Variants in DIP2C observed in about 807,000 individuals in gnomAD.
DIP2C encodes the protein disco-interacting protein 2 homolog C.
DIP2C carries 33 observed loss-of-function variants against 192.4 expected under a neutral mutation model. That is an observed-to-expected ratio of 0.17 (90% confidence interval 0.13 to 0.23). The LOEUF (loss-of-function observed/expected upper bound fraction) is 0.23. Among genes scored for constraint, DIP2C ranks in the 10% least tolerant of loss-of-function variants. The pLI is 1.00. For synonymous variants in DIP2C, 979 were observed against 864.1 expected, an observed-to-expected ratio of 1.13 and a Z score of -2.33; for missense variants, 1,537 against 2,110.1, an observed-to-expected ratio of 0.73 and a Z score of 5.32.
chr10:308,665 G>A (rs1956436438), intron 32 of DIP2C, among the ~76,000 whole-genome samples: 1 of 152,226 alleles, frequency 6.6e-6, no homozygotes, highest in Non-Finnish European at 1.5e-5. Context: ...GGCAGCTGGT[G>A]GCCTTGGGGG....
At position 399,685 on chromosome 10, in the gene DIP2C, GAAT is replaced by G. The variant is rs762781119; in HGVS notation, c.1150-469_1150-467del. Among the ~76,000 whole-genome samples the G allele has an allele frequency of 7.8e-4, 118 of 152,222 alleles. 1 individual carries two copies. The highest frequency in any genetic ancestry group is 1.5e-3 in the Non-Finnish European group (100 of 68,042). ...CTTAGTGTTCTTCTCTGAAAAGTGA[GAAT>G]AATGATAGAGCTGATGTCTTAATGC... is the stretch of plus-strand genomic sequence containing the variant. On this transcript the variant is annotated intron_variant, in intron 9 of 36. Transcript: ENST00000280886.
chr10:378,847 A>C lies in DIP2C; in HGVS notation c.1991+3800T>G, dbSNP rs538264272. Among the ~76,000 whole-genome samples, 9 of 152,300 alleles carry C rather than the reference A, an allele frequency of 5.9e-5. No individual in the cohort carries two copies. In the East Asian group the frequency reaches 1.5e-3, roughly 26 times the overall value. On this transcript the variant is annotated intron_variant, in intron 17 of 36. Coordinates refer to ENST00000280886, the MANE Select transcript of DIP2C (RefSeq NM_014974.3). ...CATGCACAGATGTGAACAGACATGC[A>C]TAGACACATGTGAACAGACATGCCT... is the stretch of plus-strand genomic sequence containing the variant.
intron 1 of DIP2C, among the ~76,000 whole-genome samples, chr10:541,875 C>A (rs1361345560): frequency 6.6e-6 from 1 of 152,152 alleles, no homozygotes; most frequent in African/African-American, 2.4e-5. Flanking sequence ...TGTCTCTCGG[C>A]CCCCCTCACC....
chr10:385,761 G>T (rs768804353), intron 14 of DIP2C, among the ~76,000 whole-genome samples: 3 of 152,124 alleles, frequency 2.0e-5, no homozygotes, highest in Non-Finnish European at 4.4e-5. Context: ...GCTGTGTGGC[G>T]GGCTAGGATT....
intron 14 of DIP2C, among the ~76,000 whole-genome samples, chr10:385,721 G>T (rs906815232): frequency 6.6e-6 from 1 of 152,182 alleles, no homozygotes; most frequent in Admixed American, 6.5e-5. Context: ...GCCTCACACC[G>T]CAGCAGTCAG....
intron 1 of DIP2C, among the ~76,000 whole-genome samples, chr10:492,255 C>T (rs1247497273): frequency 6.6e-6 from 1 of 152,340 alleles, no homozygotes; most frequent in Non-Finnish European, 1.5e-5. Context: ...CCCCAAACTG[C>T]GTTGGAGGCT....
intron 1 of DIP2C, among the ~76,000 whole-genome samples, chr10:495,396 G>C (rs1466056474): frequency 6.6e-6 from 1 of 152,096 alleles, no homozygotes; most frequent in Non-Finnish European, 1.5e-5. Context: ...TGGATCTTCT[G>C]TATTCTCACC....
At chr10:368,848 C>A (rs1282771938) in intron 18 of DIP2C, among the ~76,000 whole-genome samples, 3 of 152,212 alleles carry the variant, frequency 2.0e-5, no homozygotes, top group East Asian at 1.9e-4. Flanking sequence ...CTTTCTGGGG[C>A]CAAACAGCCA....
intron 24 of DIP2C, among the ~76,000 whole-genome samples, chr10:353,406 C>T (rs929988096): frequency 4.6e-5 from 7 of 152,082 alleles, no homozygotes; most frequent in East Asian, 1.9e-4. Context: ...TAATTTTTTT[C>T]GAGATAGAGT....
chr10:508,756 T>TA (rs140611813), intron 1 of DIP2C, among the ~76,000 whole-genome samples: 312 of 152,284 alleles, frequency 2.0e-3, no homozygotes, highest in African/African-American at 7.3e-3. Context: ...AGAAGCCACT[T>TA]AAAGGCAACT....
intron 4 of DIP2C, among the ~76,000 whole-genome samples, chr10:431,967 T>C (rs1030224086): frequency 6.6e-5 from 10 of 152,250 alleles, no homozygotes; most frequent in Non-Finnish European, 1.2e-4. Flanking sequence ...TGTTAGATTT[T>C]GTCAAATTCT....
chr10:618,827 A>C (rs1853646875), intron 1 of DIP2C, among the ~76,000 whole-genome samples: 1 of 152,244 alleles, frequency 6.6e-6, no homozygotes, highest in African/African-American at 2.4e-5. Flanking sequence ...GGCCACGTTC[A>C]GGCTGAAGCC....
chr10:683,296 G>A (rs1228847546), intron 1 of DIP2C, among the ~76,000 whole-genome samples: 1 of 152,230 alleles, frequency 6.6e-6, no homozygotes, highest in South Asian at 2.1e-4. Context: ...CGCAGCCACC[G>A]CTGTCTTTCT....
intron 31 of DIP2C, among the ~76,000 whole-genome samples, chr10:320,599 A>G (rs1245929078): frequency 6.6e-6 from 1 of 151,936 alleles, no homozygotes; most frequent in Non-Finnish European, 1.5e-5. Flanking sequence ...GGCACTGGAC[A>G]CTCAGGGAGG....
intron 1 of DIP2C, among the ~76,000 whole-genome samples, chr10:601,183 TAG>T (rs1222315453): frequency 2.6e-5 from 4 of 152,218 alleles, no homozygotes; most frequent in African/African-American, 9.6e-5. Flanking sequence ...GTTTTAATTA[TAG>T]TACTTTCATT....
intron 24 of DIP2C, among the ~76,000 whole-genome samples, chr10:354,805 T>C (rs1296337750): frequency 6.6e-6 from 1 of 151,716 alleles, no homozygotes. Flanking sequence ...GGTCACCACG[T>C]TGGAGATGAT....
chr10:457,550 A>G (rs1016610716), intron 3 of DIP2C, among the ~76,000 whole-genome samples: 3 of 152,168 alleles, frequency 2.0e-5, no homozygotes, highest in African/African-American at 7.2e-5. Flanking sequence ...AGATAGCAAG[A>G]TTAAATTCTT....
chr10:586,625 A>G (rs1851048873), intron 1 of DIP2C, among the ~76,000 whole-genome samples: 1 of 152,152 alleles, frequency 6.6e-6, no homozygotes, highest in African/African-American at 2.4e-5. Flanking sequence ...CTTCCTGTTC[A>G]CATAGTATTG....
chr10:414,904 ATATTTTT>A (rs1343193953), intron 7 of DIP2C, among the ~76,000 whole-genome samples: 1 of 77,768 alleles, frequency 1.3e-5, no homozygotes, highest in African/African-American at 4.5e-5. Flanking sequence ...ATATATATAT[ATATTTTT>A]TTTTTTTTTT....
Sources: gnomAD v4.1 joint callset for allele counts (sites outside exome capture counted in the v4.1 genomes callset) on GRCh38, gnomAD v4.1.1 for gene constraint, MANE v1.5 for transcripts, NCBI Gene and HGNC (gene_info 2026-07-23, HGNC 2026-07-21) for gene names.